Variants in NIPBL observed in about 807,000 individuals in gnomAD.
NIPBL encodes NIPBL cohesin loading factor, also known as nipped-B-like protein.
Under a neutral mutation model 321.8 loss-of-function variants are expected in NIPBL, and 19 were observed. That is an observed-to-expected ratio of 0.06 (90% CI 0.04 to 0.09). The LOEUF (loss-of-function observed/expected upper bound fraction) is 0.09. Ranked by LOEUF, NIPBL falls within the 10% of genes least tolerant of loss-of-function variation. The pLI is 1.00. For synonymous variants in NIPBL, 1,106 were observed against 1,114.1 expected (o/e 0.99, Z 0.14); for missense variants, 2,210 against 3,327.0 (o/e 0.66, Z 8.26).
intron 40 of NIPBL, chr5:37,051,117 G>A (rs557338577): frequency 3.7e-4 from 57 of 152,548 alleles, no homozygotes; most frequent in African/African-American, 1.1e-3. Context: ...ATGAGCCACC[G>A]CACCCACCTT....
intron 1 of NIPBL, among the ~76,000 whole-genome samples, chr5:36,925,571 A>G (rs1242959350): frequency 6.6e-6 from 1 of 152,098 alleles, no homozygotes; most frequent in Non-Finnish European, 1.5e-5. Flanking sequence ...CAGCCAGTTC[A>G]TTAATTTTTA....
At chr5:37,018,214 C>T (rs1038889695) in intron 24 of NIPBL, among the ~76,000 whole-genome samples, 11 of 152,162 alleles carry the variant, frequency 7.2e-5, no homozygotes, top group Non-Finnish European at 1.6e-4. Flanking sequence ...AACTTGGGAA[C>T]CACTGCTTAG....
Position 37,022,394 on chromosome 5 carries a change from T to C in NIPBL, c.5574+4T>C, listed in dbSNP as rs1374524534. 1 of 1,596,724 alleles carries C rather than the reference T, an allele frequency of 6.3e-7. No homozygotes were observed. Among genetic ancestry groups the C allele is most frequent in the Non-Finnish European group, 8.6e-7 (1 of 1,168,036 alleles). On this transcript the variant is annotated splice_donor_region_variant and intron_variant, in intron 29 of 46. Transcript: ENST00000282516. ...TATGCTGATTGAAAGAATATTGGTA[T>C]GTTTGTCATTTTTATAATGATTCGT...
chr5:36,916,774 G>C (rs1373860289), intron 1 of NIPBL, among the ~76,000 whole-genome samples: 2 of 152,014 alleles, frequency 1.3e-5, no homozygotes, highest in Non-Finnish European at 2.9e-5. Flanking sequence ...CGTTGCAGTA[G>C]TTTGCTGAGA....
At chr5:36,923,413 AG>A (rs1749108067) in intron 1 of NIPBL, among the ~76,000 whole-genome samples, 1 of 152,172 alleles carries the variant, frequency 6.6e-6, no homozygotes, top group South Asian at 2.1e-4. Context: ...GGATAAGTTG[AG>A]GACATTATCT....
At chr5:36,974,950 A>C (rs1051199975) in intron 8 of NIPBL, among the ~76,000 whole-genome samples, 3 of 152,084 alleles carry the variant, frequency 2.0e-5, no homozygotes, top group Non-Finnish European at 2.9e-5. Context: ...ATATCAATGC[A>C]CTTTTTCCTT....
chr5:37,063,678 C>T (rs1411391891), intron 45 of NIPBL, 112 bp from the exon 46 acceptor site: 1 of 1,019,248 alleles, frequency 9.8e-7, no homozygotes, highest in African/African-American at 1.6e-5. Flanking sequence ...TAGATGATGG[C>T]TAACGTCTGT....
At chr5:36,956,127 A>T (rs1432440473) in intron 3 of NIPBL, among the ~76,000 whole-genome samples, 2 of 151,782 alleles carry the variant, frequency 1.3e-5, no homozygotes, top group African/African-American at 4.8e-5. Flanking sequence ...GCTACTCGGG[A>T]GGCTGAGGCA....
At chr5:36,929,823 T>C (rs887437964) in intron 1 of NIPBL, among the ~76,000 whole-genome samples, 1 of 152,096 alleles carries the variant, frequency 6.6e-6, no homozygotes, top group African/African-American at 2.4e-5. Context: ...CTAAAAATCA[T>C]TTGTTGACAA....
chr5:36,971,044 A>C lies in NIPBL; in HGVS notation c.771+8A>C, dbSNP rs1742795435. The C allele has an allele frequency of 5.6e-6, 9 of 1,605,912 alleles. No homozygotes were observed. The highest frequency in any genetic ancestry group is 6.8e-6 in the Non-Finnish European group (8 of 1,172,710). ...CACAGGCTAAGTAGTGACGTATGTA[A>C]TATATTATCATTAAGGTGATAAAAT... is the stretch of plus-strand genomic sequence containing the variant. On this transcript the variant is annotated splice_region_variant and intron_variant, in intron 7 of 46. Transcript: ENST00000282516.
At chr5:37,026,924 AAAG>A (rs1247474935) in intron 31 of NIPBL, among the ~76,000 whole-genome samples, 1 of 151,868 alleles carries the variant, frequency 6.6e-6, no homozygotes, top group Non-Finnish European at 1.5e-5. Context: ...AAAAAAAAAA[AAAG>A]AAAAGAAAGA....
At chr5:37,005,785 A>G (rs115149563) in intron 16 of NIPBL, among the ~76,000 whole-genome samples, 2 of 152,176 alleles carry the variant, frequency 1.3e-5, no homozygotes, top group Non-Finnish European at 2.9e-5. Flanking sequence ...TGATGTGTAA[A>G]TTAAAATAAA....
chr5:36,945,336 A>C (rs993943486), intron 1 of NIPBL, among the ~76,000 whole-genome samples: 6 of 152,154 alleles, frequency 3.9e-5, no homozygotes, highest in African/African-American at 1.4e-4. Flanking sequence ...AGTTATGTGA[A>C]GTTTTATTAA....
Position 37,045,503 on chromosome 5 carries a change from C to G in NIPBL, c.6404C>G (p.Thr2135Arg). The G allele has an allele frequency of 6.2e-7, 1 of 1,613,952 alleles. No individual in the cohort carries two copies. The highest frequency in any genetic ancestry group is 8.5e-7 in the Non-Finnish European group (1 of 1,179,880). Residue 2135 changes from threonine to arginine, a missense_variant, in exon 37 of 47, where the codon ACA (threonine) becomes AGA (arginine). Coordinates refer to ENST00000282516, the MANE Select transcript of NIPBL (RefSeq NM_133433.4). ...GACCCAAATAACACTTCACTTCTAA[C>G]AAACAAACCAGCACTTCTTAGATCC... ...QEDPNNTSLL[T>R]NKPALLRSLF... is the part of the protein sequence containing the mutation.
At chr5:37,031,577 C>A (rs960835941) in intron 32 of NIPBL, among the ~76,000 whole-genome samples, 14 of 152,164 alleles carry the variant, frequency 9.2e-5, no homozygotes, top group African/African-American at 3.4e-4. Flanking sequence ...CTAAGACTGA[C>A]CATTTTCTAG....
chr5:36,981,718 T>C (rs1421069302), intron 9 of NIPBL, among the ~76,000 whole-genome samples: 3 of 151,746 alleles, frequency 2.0e-5, no homozygotes, highest in South Asian at 4.1e-4. Context: ...CTTTGCCTAT[T>C]TCATCTTTTC....
At chr5:36,961,217 A>G (rs1408728508) in intron 4 of NIPBL, among the ~76,000 whole-genome samples, 1 of 152,192 alleles carries the variant, frequency 6.6e-6, no homozygotes, top group African/African-American at 2.4e-5. Context: ...CTAAGGCTAA[A>G]TAATAGAATA....
At position 36,976,418 on chromosome 5, in the gene NIPBL, T is replaced by TA. The variant is rs766673355; in HGVS notation, c.1495+17dup. Reference sequence around the variant, plus strand: ...CAAGATAAAGGTAAAATAATCTCATTATTACCACTTCATCATCTGGGCAAA... The same window carrying TA: ...CAAGATAAAGGTAAAATAATCTCATTAATTACCACTTCATCATCTGGGCAAA... On this transcript the variant is annotated intron_variant, in intron 9 of 46. Coordinates refer to ENST00000282516, the MANE Select transcript of NIPBL (RefSeq NM_133433.4). The TA allele has an allele frequency of 6.2e-6, 10 of 1,600,852 alleles. No individual in the cohort carries two copies. The highest frequency in any genetic ancestry group is 8.5e-6 in the Non-Finnish European group (10 of 1,179,482).
chr5:36,937,328 A>G (rs1458147088), intron 1 of NIPBL, among the ~76,000 whole-genome samples: 1 of 152,198 alleles, frequency 6.6e-6, no homozygotes, highest in Non-Finnish European at 1.5e-5. Flanking sequence ...ACCTTCAGCC[A>G]TATACTCTTG....
Sources: allele counts gnomAD v4.1 joint callset (sites outside exome capture counted in the v4.1 genomes callset), GRCh38; gene constraint gnomAD v4.1.1; transcripts MANE v1.5; gene names NCBI Gene and HGNC (gene_info 2026-07-23, HGNC 2026-07-21).